The following AVL9 variants were observed in gnomAD, a reference collection of about 807,000 sequenced individuals.
The protein encoded by AVL9 is late secretory pathway protein AVL9 homolog.
AVL9 carries 49 observed loss-of-function variants against 79.2 expected under a neutral mutation model. That is an observed-to-expected ratio of 0.62 (90% CI 0.49 to 0.79). The LOEUF (loss-of-function observed/expected upper bound fraction) is 0.79. AVL9 is among the 30% of genes least tolerant of loss of function. The probability of loss-of-function intolerance (pLI) is 0.00; values close to 1 mark genes in which losing one functional copy is unlikely to be tolerated. For missense variants in AVL9, 682 were observed against 776.8 expected (o/e 0.88, Z 1.45); for synonymous variants, 299 against 280.6 (o/e 1.07, Z -0.65).
intron 15 of AVL9, among the ~76,000 whole-genome samples, 164 bp from the exon 16 acceptor site, chr7:32,583,628 G>A (rs1486700662): frequency 2.0e-5 from 3 of 152,206 alleles, no homozygotes; most frequent in Non-Finnish European, 2.9e-5. Context: ...GCAGGGAGCC[G>A]TGACCACTGC....
At chr7:32,495,841 C>A in intron 1 of AVL9, 39 bp downstream of exon 1, 1 of 1,237,910 alleles carries the variant, frequency 8.1e-7, no homozygotes, top group Non-Finnish European at 1.0e-6. Flanking sequence ...GCCGTTCGGG[C>A]GTTCGCCCCT....
chr7:32,536,068 A>G (rs1788891765), intron 1 of AVL9: 1 of 152,186 alleles, frequency 6.6e-6, no homozygotes, highest in African/African-American at 2.4e-5. Flanking sequence ...CCTTTCCTTT[A>G]TAAATTACCC....
intron 1 of AVL9, among the ~76,000 whole-genome samples, chr7:32,514,977 G>C (rs1432191316): frequency 1.3e-5 from 2 of 152,196 alleles, no homozygotes; most frequent in African/African-American, 4.8e-5. Context: ...TGGGACAAGA[G>C]TTACAGATTA....
At chr7:32,521,226 T>G (rs1021580347) in intron 1 of AVL9, among the ~76,000 whole-genome samples, 8 of 152,150 alleles carry the variant, frequency 5.3e-5, no homozygotes, top group African/African-American at 1.9e-4. Flanking sequence ...GGAAGCGACT[T>G]TGGAACTGGG....
chr7:32,509,616 C>G (rs1036020009), intron 1 of AVL9, among the ~76,000 whole-genome samples: 2 of 152,026 alleles, frequency 1.3e-5, no homozygotes, highest in African/African-American at 4.8e-5. Flanking sequence ...CTGTCTTGGC[C>G]GGGCGGGCGG....
chr7:32,568,809 T>C (rs1053601409), intron 10 of AVL9, among the ~76,000 whole-genome samples: 1 of 152,192 alleles, frequency 6.6e-6, no homozygotes, highest in African/African-American at 2.4e-5. Flanking sequence ...TATTATGAAA[T>C]ATAATACTGA....
intron 3 of AVL9, among the ~76,000 whole-genome samples, chr7:32,548,367 C>G (rs940189394): frequency 6.6e-6 from 1 of 151,976 alleles, no homozygotes; most frequent in Admixed American, 6.6e-5. Context: ...AGGCTGGTCT[C>G]AAACTCCTGG....
At chr7:32,518,010 T>C (rs7787265) in intron 1 of AVL9, among the ~76,000 whole-genome samples, 51,100 of 151,840 alleles carry the variant, frequency 0.34, 9,088 homozygotes, top group East Asian at 0.48. Flanking sequence ...TTTTTATTTT[T>C]AGTGGAGACG....
chr7:32,583,954 C>A lies in AVL9; in HGVS notation c.*47C>A. ...TTGCTTTCTGAGGTTTAAGTGTCCC[C>A]TGTCTGTCTGCTGCTCCCAGGCTGT... is the stretch of plus-strand genomic sequence containing the variant. On this transcript the variant is annotated 3_prime_UTR_variant, in exon 16 of 16. Transcript: ENST00000318709. 1.5e-6 allele frequency: 2 copies of A among 1,364,406 alleles called. No homozygotes were observed. Among genetic ancestry groups the A allele is most frequent in the Non-Finnish European group, 2.1e-6 (2 of 955,218 alleles). 84.5% of individuals were successfully genotyped at this position (1,364,406 alleles called of 1,614,324 possible). A position where few individuals can be genotyped will look rare whatever the true frequency, so the allele number is the denominator to read the frequency against.
intron 1 of AVL9, among the ~76,000 whole-genome samples, chr7:32,499,282 C>T (rs79739000): frequency 0.016 from 2,499 of 151,748 alleles, 67 homozygotes; most frequent in African/African-American, 0.057. Flanking sequence ...TTTGTTTGTT[C>T]CAATATATAA....
At chr7:32,560,209 A>G (rs1790272026) in intron 10 of AVL9, among the ~76,000 whole-genome samples, 1 of 151,314 alleles carries the variant, frequency 6.6e-6, no homozygotes, top group South Asian at 2.1e-4. Context: ...GGGAGACTCT[A>G]TTATTTTTTA....
In AVL9 at chr7:32,587,318, C is replaced by T. The variant is rs1791842781; in HGVS notation, c.*3411C>T. The T allele has an allele frequency of 6.6e-6, 1 of 152,184 alleles. No homozygotes were observed. The highest frequency in any genetic ancestry group is 2.4e-5 in the African/African-American group (1 of 41,446). The allele number at this position is 152,184 out of a possible 1,614,324, so 9.4% of individuals were successfully genotyped here. A position where few individuals can be genotyped will look rare whatever the true frequency, so the allele number is the denominator to read the frequency against. ...CTTTTAGAAAGGGATTAGAATTTTA[C>T]TCTGCTAGTTACAAGTTTTAAAGTC... On this transcript the variant is annotated 3_prime_UTR_variant, in exon 16 of 16. Transcript: ENST00000318709.
intron 1 of AVL9, chr7:32,536,331 T>C (rs1239495622): frequency 6.6e-6 from 1 of 152,190 alleles, no homozygotes; most frequent in Admixed American, 6.5e-5. Flanking sequence ...GGCATTACTA[T>C]TTAAATTGTC....
intron 6 of AVL9, among the ~76,000 whole-genome samples, chr7:32,552,912 A>T (rs915314901): frequency 6.6e-6 from 1 of 152,124 alleles, no homozygotes; most frequent in African/African-American, 2.4e-5. Flanking sequence ...CTTTTATAAG[A>T]TTCTTCAGGT....
At chr7:32,577,196 G>A (rs1447506440) in intron 13 of AVL9, among the ~76,000 whole-genome samples, 5 of 152,100 alleles carry the variant, frequency 3.3e-5, no homozygotes, top group South Asian at 2.1e-4. Context: ...TTAGCCAGGC[G>A]TGGTGGTGGG....
intron 1 of AVL9, among the ~76,000 whole-genome samples, chr7:32,528,948 T>C (rs958561338): frequency 6.6e-6 from 1 of 152,164 alleles, no homozygotes; most frequent in African/African-American, 2.4e-5. Flanking sequence ...GAGCAGAGCC[T>C]GCAGTGAGCC....
At chr7:32,505,617 T>C (rs937976466) in intron 1 of AVL9, among the ~76,000 whole-genome samples, 1 of 152,210 alleles carries the variant, frequency 6.6e-6, no homozygotes, top group Admixed American at 6.5e-5. Flanking sequence ...TTTTCAAAAT[T>C]GCCATTTAAT....
chr7:32,562,996 T>C (rs992472799), intron 10 of AVL9, among the ~76,000 whole-genome samples: 5 of 152,218 alleles, frequency 3.3e-5, no homozygotes, highest in Non-Finnish European at 7.3e-5. Context: ...TATTTGCATA[T>C]AACGTGTGCA....
chr7:32,586,541 TC>T lies in AVL9; in HGVS notation c.*2636del, dbSNP rs1791798896. 1 of 151,306 alleles carries T rather than the reference TC, an allele frequency of 6.6e-6. No individual in the cohort carries two copies. The highest frequency in any genetic ancestry group is 1.5e-5 in the Non-Finnish European group (1 of 67,946). The allele number at this position is 151,306 out of a possible 1,614,324, so 9.4% of individuals were successfully genotyped here. A position where few individuals can be genotyped will look rare whatever the true frequency, so the allele number is the denominator to read the frequency against. On this transcript the variant is annotated 3_prime_UTR_variant, in exon 16 of 16. Coordinates refer to ENST00000318709, the MANE Select transcript of AVL9 (RefSeq NM_015060.3). ...GCCAGCATAGAAGCAGCAGCCTCTC[TC>T]CAAACCCTGGCTCTGTGAGCCATAG...
Sources: gnomAD v4.1 joint callset for allele counts (sites outside exome capture counted in the v4.1 genomes callset) on GRCh38, gnomAD v4.1.1 for gene constraint, MANE v1.5 for transcripts, NCBI Gene and HGNC (gene_info 2026-07-23, HGNC 2026-07-21) for gene names.